The following DISC1 variants were observed in gnomAD, a reference collection of about 807,000 sequenced individuals.
DISC1 encodes the protein disrupted in schizophrenia 1 protein.
Under a neutral mutation model 84.5 loss-of-function variants are expected in DISC1, and 57 were observed. That is an observed-to-expected ratio of 0.67 (90% CI 0.55 to 0.84). The LOEUF (loss-of-function observed/expected upper bound fraction) is 0.84, where lower values mean the gene tolerates loss of function less well. DISC1 is among the 40% of genes least tolerant of loss of function. The probability of loss-of-function intolerance (pLI) is 0.00; values close to 1 mark genes in which losing one functional copy is unlikely to be tolerated. For missense variants in DISC1, 1,000 were observed against 1,057.8 expected (o/e 0.95, Z 0.76); for synonymous variants, 411 against 415.2 (o/e 0.99, Z 0.12).
chr1:231,836,090 T>C (rs1436125727), intron 9 of DISC1, among the ~76,000 whole-genome samples: 1 of 152,246 alleles, frequency 6.6e-6, no homozygotes, highest in Admixed American at 6.5e-5. Flanking sequence ...ACTGTTAAAA[T>C]ACAGAAACTG....
intron 1 of DISC1, among the ~76,000 whole-genome samples, chr1:231,692,382 G>T (rs1219599039): frequency 1.3e-5 from 2 of 152,166 alleles, no homozygotes; most frequent in African/African-American, 4.8e-5. Context: ...CAAGTCTTGG[G>T]CTCTGTTATC....
At chr1:231,633,458 G>A (rs554519304) in intron 1 of DISC1, among the ~76,000 whole-genome samples, 3 of 152,142 alleles carry the variant, frequency 2.0e-5, no homozygotes, top group Non-Finnish European at 4.4e-5. Context: ...TGCTGTGATC[G>A]TTGTCCTGCA....
At chr1:231,642,432 C>T (rs562599919) in intron 1 of DISC1, among the ~76,000 whole-genome samples, 37 of 152,280 alleles carry the variant, frequency 2.4e-4, no homozygotes, top group Non-Finnish European at 4.7e-4. Context: ...CGAGAGCGAG[C>T]GCGGGCTGCG....
chr1:231,713,828 G>T lies in DISC1; in HGVS notation c.1117+11804G>T, dbSNP rs373489550. Reference sequence around the variant, plus strand: ...ATATAGGAGATATATATATAGGAGAGATATATATAGGAGATATATATATAT... The same window carrying T: ...ATATAGGAGATATATATATAGGAGATATATATATAGGAGATATATATATAT... On this transcript the variant is annotated intron_variant, in intron 3 of 12. Transcript: ENST00000439617. 3.5e-3 allele frequency among the ~76,000 whole-genome samples: 484 copies of T among 138,760 alleles called. 3 individuals carry two copies. Among genetic ancestry groups the T allele is most frequent in the East Asian group, 0.011 (53 of 4,796 alleles). The allele number at this position is 138,760 out of a possible 152,430, so 91.0% of individuals were successfully genotyped here.
chr1:231,707,822 A>C (rs2067273562), intron 3 of DISC1, among the ~76,000 whole-genome samples: 1 of 152,160 alleles, frequency 6.6e-6, no homozygotes, highest in Admixed American at 6.5e-5. Flanking sequence ...CCCAAAATTA[A>C]ATCCCTAAAA....
chr1:231,893,269 A>C (rs912241744), intron 9 of DISC1, among the ~76,000 whole-genome samples: 1 of 152,192 alleles, frequency 6.6e-6, no homozygotes, highest in African/African-American at 2.4e-5. Flanking sequence ...TTGAAAAAAA[A>C]ACTTGAACCC....
chr1:231,999,201 C>T (rs1365253640), intron 10 of DISC1, among the ~76,000 whole-genome samples: 1 of 152,162 alleles, frequency 6.6e-6, no homozygotes, highest in East Asian at 1.9e-4. Context: ...TTTCTCTCTG[C>T]TTCTTCCCAC....
chr1:231,881,956 G>C (rs1389234099), intron 9 of DISC1, among the ~76,000 whole-genome samples: 1 of 152,170 alleles, frequency 6.6e-6, no homozygotes, highest in African/African-American at 2.4e-5. Context: ...AGACGCGGGA[G>C]CATAAGGGAA....
chr1:231,937,716 T>A (rs1355331063), intron 9 of DISC1, among the ~76,000 whole-genome samples: 1 of 152,106 alleles, frequency 6.6e-6, no homozygotes, highest in East Asian at 1.9e-4. Context: ...CAGTGGAGGC[T>A]TGGGGACTGA....
chr1:231,902,600 C>CAA (rs57938756), intron 9 of DISC1, among the ~76,000 whole-genome samples: 8 of 140,470 alleles, frequency 5.7e-5, no homozygotes, highest in African/African-American at 1.8e-4. Flanking sequence ...GATTCTGTCT[C>CAA]AAAAAAAAAA....
chr1:231,844,748 A>G (rs1177888242), intron 9 of DISC1, among the ~76,000 whole-genome samples: 1 of 151,692 alleles, frequency 6.6e-6, no homozygotes, highest in Admixed American at 6.6e-5. Flanking sequence ...AACACGTGAA[A>G]CCCCGTCTCT....
chr1:232,011,119 T>G (rs1667983959), intron 11 of DISC1, among the ~76,000 whole-genome samples: 2 of 152,288 alleles, frequency 1.3e-5, no homozygotes, highest in South Asian at 4.1e-4. Flanking sequence ...CCAGGTTCTC[T>G]GGGGACAGAC....
chr1:231,865,100 C>T (rs886122369), intron 9 of DISC1, among the ~76,000 whole-genome samples: 22 of 152,252 alleles, frequency 1.4e-4, no homozygotes, highest in African/African-American at 5.3e-4. Flanking sequence ...AAGCAAAGGC[C>T]CAGAGAACTC....
At chr1:231,932,485 C>T (rs1253031417) in intron 9 of DISC1, among the ~76,000 whole-genome samples, 1 of 152,114 alleles carries the variant, frequency 6.6e-6, no homozygotes, top group East Asian at 1.9e-4. Context: ...TTATTATTTC[C>T]ATTTTACAAA....
At chr1:231,780,256 A>C (rs989314979) in intron 6 of DISC1, among the ~76,000 whole-genome samples, 1 of 150,654 alleles carries the variant, frequency 6.6e-6, no homozygotes, top group Non-Finnish European at 1.5e-5. Flanking sequence ...AAAAAAGAAA[A>C]GGAAAGAATG....
intron 8 of DISC1, among the ~76,000 whole-genome samples, chr1:231,810,636 G>A (rs1360377848): frequency 1.3e-5 from 2 of 152,166 alleles, no homozygotes; most frequent in Non-Finnish European, 2.9e-5. Context: ...GTGGAAAAAG[G>A]CGAAGGCTTC....
intron 6 of DISC1, among the ~76,000 whole-genome samples, chr1:231,785,717 A>G (rs563314845): frequency 7.2e-5 from 11 of 152,210 alleles, no homozygotes; most frequent in Non-Finnish European, 1.5e-4. Context: ...GAGTTTTACA[A>G]AACAAGAAAC....
intron 9 of DISC1, among the ~76,000 whole-genome samples, chr1:231,864,861 A>C (rs570083439): frequency 7.9e-5 from 12 of 152,326 alleles, no homozygotes; most frequent in South Asian, 6.2e-4. Context: ...TCTCATCCTG[A>C]ATATCAGATT....
At chr1:231,708,537 G>GGTCT (rs1355716237) in intron 3 of DISC1, among the ~76,000 whole-genome samples, 1 of 152,208 alleles carries the variant, frequency 6.6e-6, no homozygotes, top group Non-Finnish European at 1.5e-5. Flanking sequence ...CCCCTTTGCA[G>GGTCT]GTCTGTTCCA....
Sources: gnomAD v4.1 joint callset for allele counts (sites outside exome capture counted in the v4.1 genomes callset) on GRCh38, gnomAD v4.1.1 for gene constraint, MANE v1.5 for transcripts, NCBI Gene and HGNC (gene_info 2026-07-23, HGNC 2026-07-21) for gene names.